DLGAP1: variants seen among roughly 807,000 people sequenced by gnomAD.
The protein encoded by DLGAP1 is disks large-associated protein 1.
In DLGAP1, 11 loss-of-function variants were observed where a neutral mutation model predicts 90.8. That is an observed-to-expected ratio of 0.12 (90% CI 0.08 to 0.20). The LOEUF (loss-of-function observed/expected upper bound fraction) is 0.20, where lower values mean the gene tolerates loss of function less well. Among genes scored for constraint, DLGAP1 ranks in the 10% least tolerant of loss-of-function variants. The pLI, the probability that DLGAP1 is intolerant of heterozygous loss-of-function variation, is 1.00. For synonymous variants in DLGAP1, 558 were observed against 540.7 expected (o/e 1.03, Z -0.44); for missense variants, 1,050 against 1,333.8 (o/e 0.79, Z 3.31).
intron 2 of DLGAP1, among the ~76,000 whole-genome samples, chr18:4,120,374 G>C (rs1490069030): frequency 6.6e-6 from 1 of 152,172 alleles, no homozygotes; most frequent in Non-Finnish European, 1.5e-5. Context: ...CATGAGTTCT[G>C]TATCTAATCC....
chr18:3,624,400 A>C (rs919476466), intron 7 of DLGAP1, among the ~76,000 whole-genome samples: 2 of 152,172 alleles, frequency 1.3e-5, no homozygotes, highest in African/African-American at 4.8e-5. Flanking sequence ...CCAGCTCAAC[A>C]CTGATGTTGC....
At chr18:3,676,633 A>AT (rs1214156406) in intron 7 of DLGAP1, among the ~76,000 whole-genome samples, 4 of 151,432 alleles carry the variant, frequency 2.6e-5, no homozygotes, top group Middle Eastern at 3.5e-3. Flanking sequence ...GGAACCAAGG[A>AT]TTTTTCCTTG....
chr18:3,723,061 T>C (rs78765505), intron 7 of DLGAP1, among the ~76,000 whole-genome samples: 3,647 of 152,236 alleles, frequency 0.024, 159 homozygotes, highest in African/African-American at 0.084. Flanking sequence ...ATGAATTAGA[T>C]AGGTGCAGCA....
intron 3 of DLGAP1, among the ~76,000 whole-genome samples, chr18:3,949,253 T>C (rs1400421185): frequency 6.6e-6 from 1 of 152,184 alleles, no homozygotes; most frequent in Admixed American, 6.5e-5. Context: ...TTGGCTTGAG[T>C]TAGGTTCAAA....
At chr18:4,213,176 G>C (rs1351687969) in intron 1 of DLGAP1, among the ~76,000 whole-genome samples, 1 of 152,106 alleles carries the variant, frequency 6.6e-6, no homozygotes, top group East Asian at 1.9e-4. Flanking sequence ...AAAGCAAATT[G>C]GGGCAAAAAC....
intron 1 of DLGAP1, among the ~76,000 whole-genome samples, chr18:4,314,006 C>G (rs1265907960): frequency 6.6e-6 from 1 of 152,120 alleles, no homozygotes; most frequent in Non-Finnish European, 1.5e-5. Flanking sequence ...AAGCAAAAAT[C>G]AGAGACCTTT....
chr18:3,700,696 A>G (rs1284496817), intron 7 of DLGAP1, among the ~76,000 whole-genome samples: 3 of 151,472 alleles, frequency 2.0e-5, no homozygotes. Context: ...TGCAAGCTCT[A>G]CCTCCCAGGT....
chr18:3,754,120 C>T (rs924109646), intron 5 of DLGAP1, among the ~76,000 whole-genome samples: 2 of 152,132 alleles, frequency 1.3e-5, no homozygotes, highest in Non-Finnish European at 2.9e-5. Flanking sequence ...CTCATCTCAG[C>T]CTCCTGAGTA....
At chr18:3,858,966 C>T (rs1371506987) in intron 4 of DLGAP1, among the ~76,000 whole-genome samples, 1 of 152,086 alleles carries the variant, frequency 6.6e-6, no homozygotes, top group African/African-American at 2.4e-5. Flanking sequence ...GAGCTTTTTC[C>T]ATACATGAGG....
intron 7 of DLGAP1, among the ~76,000 whole-genome samples, chr18:3,664,033 C>T (rs573699992): frequency 1.3e-5 from 2 of 152,226 alleles, no homozygotes; most frequent in South Asian, 2.1e-4. Flanking sequence ...CTTTGGACTT[C>T]GACTTGAACT....
intron 2 of DLGAP1, among the ~76,000 whole-genome samples, chr18:4,103,792 A>AT (rs558633420): frequency 1.4e-3 from 212 of 152,226 alleles, no homozygotes; most frequent in African/African-American, 4.8e-3. Flanking sequence ...TGTATTAAAT[A>AT]TTTTTTCAGA....
chr18:4,289,532 T>C (rs1032542690), intron 1 of DLGAP1, among the ~76,000 whole-genome samples: 5 of 152,084 alleles, frequency 3.3e-5, no homozygotes, highest in African/African-American at 9.7e-5. Context: ...ATACCCAAAG[T>C]AGCCAAATTT....
chr18:3,498,195 T>G lies in DLGAP1; in HGVS notation c.*990A>C, dbSNP rs2049756840. On this transcript the variant is annotated 3_prime_UTR_variant, in exon 13 of 13. Transcript: ENST00000315677. ...TTATAAGCAGATATGTACTTATATA[T>G]GTGGAATCAGGTAGGCCCACCTGGA... The G allele has an allele frequency of 6.6e-6, 1 of 152,194 alleles. No individual in the cohort carries two copies. The highest frequency in any genetic ancestry group is 6.5e-5 in the Admixed American group (1 of 15,278). The allele number at this position is 152,194 out of a possible 1,614,324, so 9.4% of individuals were successfully genotyped here.
chr18:4,191,046 T>A (rs1171143311), intron 1 of DLGAP1, among the ~76,000 whole-genome samples: 3 of 152,154 alleles, frequency 2.0e-5, no homozygotes, highest in African/African-American at 7.2e-5. Context: ...AGACTTCACT[T>A]CACATAAACC....
chr18:3,838,164 A>T (rs2148614468), intron 4 of DLGAP1, among the ~76,000 whole-genome samples: 1 of 152,342 alleles, frequency 6.6e-6, no homozygotes, highest in East Asian at 1.9e-4. Flanking sequence ...TGATGTTTTC[A>T]TCTAAGATTA....
intron 2 of DLGAP1, among the ~76,000 whole-genome samples, chr18:4,085,695 C>T (rs572396491): frequency 2.7e-4 from 41 of 152,262 alleles, no homozygotes; most frequent in African/African-American, 6.7e-4. Flanking sequence ...GCTTGAGTTC[C>T]GTCTTTGTCC....
chr18:4,053,539 T>C (rs2075167585), intron 2 of DLGAP1, among the ~76,000 whole-genome samples: 1 of 152,230 alleles, frequency 6.6e-6, no homozygotes. Flanking sequence ...AAACTCATGT[T>C]GAATTAGAGT....
At chr18:3,801,745 T>C (rs558979567) in intron 5 of DLGAP1, among the ~76,000 whole-genome samples, 1 of 151,846 alleles carries the variant, frequency 6.6e-6, no homozygotes, top group East Asian at 1.9e-4. Flanking sequence ...GAAAAACAAA[T>C]AAAGAAGCCA....
intron 7 of DLGAP1, among the ~76,000 whole-genome samples, chr18:3,590,579 G>A (rs1417313640): frequency 6.6e-6 from 1 of 152,154 alleles, no homozygotes; most frequent in Non-Finnish European, 1.5e-5. Flanking sequence ...GTAGGGTCAG[G>A]TACGGTGGCC....
Sources: allele counts gnomAD v4.1 joint callset (sites outside exome capture counted in the v4.1 genomes callset), GRCh38; gene constraint gnomAD v4.1.1; transcripts MANE v1.5; gene names NCBI Gene and HGNC (gene_info 2026-07-23, HGNC 2026-07-21).